The following ROBO2 variants were observed in gnomAD, a reference collection of about 807,000 sequenced individuals.
ROBO2 encodes the protein roundabout guidance receptor 2.
In ROBO2, 53 loss-of-function variants were observed where a neutral mutation model predicts 160.8. The observed-to-expected ratio is 0.33, with a 90% confidence interval of 0.26 to 0.41. The LOEUF (loss-of-function observed/expected upper bound fraction) is 0.41. Ranked by LOEUF, ROBO2 falls within the 10% of genes least tolerant of loss-of-function variation. ROBO2 has a pLI of 1.00. For synonymous variants in ROBO2, 664 were observed against 611.7 expected (o/e 1.09, Z -1.26); for missense variants, 1,577 against 1,722.4 (o/e 0.92, Z 1.49).
intron 2 of ROBO2, among the ~76,000 whole-genome samples, chr3:76,127,277 A>G (rs2071025433): frequency 6.6e-6 from 1 of 152,106 alleles, no homozygotes; most frequent in Non-Finnish European, 1.5e-5. Flanking sequence ...TTTGCACTCT[A>G]ACTTTTCACA....
intron 2 of ROBO2, among the ~76,000 whole-genome samples, chr3:76,307,525 G>A (rs1251392573): frequency 6.6e-6 from 1 of 151,792 alleles, no homozygotes; most frequent in African/African-American, 2.4e-5. Flanking sequence ...GCCTCTCTCG[G>A]TGGACCTTCC....
At chr3:77,263,510 G>A (rs540775750) in intron 2 of ROBO2, among the ~76,000 whole-genome samples, 1 of 152,238 alleles carries the variant, frequency 6.6e-6, no homozygotes, top group East Asian at 1.9e-4. Flanking sequence ...GTGGTATTTG[G>A]TTTTCTGTTC....
At chr3:76,643,571 A>C (rs1412204499) in intron 2 of ROBO2, among the ~76,000 whole-genome samples, 2 of 152,220 alleles carry the variant, frequency 1.3e-5, no homozygotes, top group South Asian at 2.1e-4. Flanking sequence ...CTTAATGTAC[A>C]TTGAAGTCTA....
chr3:76,369,138 A>T (rs2075978357), intron 2 of ROBO2, among the ~76,000 whole-genome samples: 2 of 151,866 alleles, frequency 1.3e-5, no homozygotes, highest in Admixed American at 1.3e-4. Context: ...CTTCTTTCCC[A>T]GGTGTTTTTG....
At chr3:76,334,667 G>A (rs760049588) in intron 2 of ROBO2, among the ~76,000 whole-genome samples, 2 of 152,154 alleles carry the variant, frequency 1.3e-5, no homozygotes, top group East Asian at 1.9e-4. Flanking sequence ...ATTTTACCCA[G>A]TAAAGGAGAA....
At chr3:76,900,284 C>A (rs942757403) in intron 2 of ROBO2, among the ~76,000 whole-genome samples, 1 of 152,068 alleles carries the variant, frequency 6.6e-6, no homozygotes, top group Non-Finnish European at 1.5e-5. Flanking sequence ...GACGTAAAGC[C>A]CAACCATATT....
At chr3:77,638,816 A>C (rs1583451129) in intron 24 of ROBO2, among the ~76,000 whole-genome samples, 1 of 107,462 alleles carries the variant, frequency 9.3e-6, no homozygotes. Flanking sequence ...CCTTTCACCT[A>C]GCTTTTTTTT....
In ROBO2 at chr3:76,572,477, G is replaced by T. The variant is rs116429059; in HGVS notation, c.110-525537G>T. The stretch of plus-strand genomic sequence containing the variant: ...CCTGGTGCTAACTGGAGGAAGCTAA[G>T]AATTGTATTCTCCATCATCGACATT... On this transcript the variant is annotated intron_variant, in intron 2 of 26. Coordinates refer to the ROBO2 transcript ENST00000487694. Among the ~76,000 whole-genome samples the T allele has an allele frequency of 3.0e-3, 464 of 152,260 alleles. 2 individuals are homozygous for T. The highest frequency in any genetic ancestry group is 0.011 in the African/African-American group (456 of 41,558).
At position 76,731,283 on chromosome 3, in the gene ROBO2, C is replaced by T. The variant is rs779874925; in HGVS notation, c.110-366731C>T. On this transcript the variant is annotated intron_variant, in intron 2 of 26. Transcript: ENST00000487694. ...TGAATACTACACATTTTGGGTTCAGCGTTTAGTTTAATGAAAGCTTTCCTG... is the reference window on the plus strand; with the variant it reads ...TGAATACTACACATTTTGGGTTCAGTGTTTAGTTTAATGAAAGCTTTCCTG... Among the ~76,000 whole-genome samples, 11 of 152,212 alleles carry T rather than the reference C, an allele frequency of 7.2e-5. No individual in the cohort carries two copies. The South Asian group carries it at 1.5e-3, about 20-fold the overall frequency.
intron 2 of ROBO2, among the ~76,000 whole-genome samples, chr3:76,067,192 T>C (rs2068282720): frequency 6.6e-6 from 1 of 152,208 alleles, no homozygotes. Flanking sequence ...GCCAGTTATC[T>C]GATTTTTCTA....
intron 2 of ROBO2, among the ~76,000 whole-genome samples, chr3:76,791,947 A>G (rs2063380918): frequency 6.6e-6 from 1 of 151,936 alleles, no homozygotes; most frequent in Non-Finnish European, 1.5e-5. Context: ...AATTTAAAGT[A>G]CATAGGAAGA....
intron 2 of ROBO2, among the ~76,000 whole-genome samples, chr3:76,086,121 A>G (rs748686728): frequency 3.3e-5 from 5 of 152,144 alleles, no homozygotes; most frequent in Non-Finnish European, 7.4e-5. Flanking sequence ...ATTTCTAAAG[A>G]AAAGGGGTTT....
chr3:77,188,983 G>A (rs373681752), intron 2 of ROBO2, among the ~76,000 whole-genome samples: 7 of 148,358 alleles, frequency 4.7e-5, no homozygotes, highest in Admixed American at 2.7e-4. Context: ...GAGAGAGAGA[G>A]AGAGAGAGAG....
intron 2 of ROBO2, among the ~76,000 whole-genome samples, chr3:76,303,016 T>C (rs545951491): frequency 6.6e-6 from 1 of 152,266 alleles, no homozygotes; most frequent in South Asian, 2.1e-4. Flanking sequence ...AGATAAGAAA[T>C]ATTTTATGTA....
At position 76,929,150 on chromosome 3, in the gene ROBO2, C is replaced by T. The variant is rs1356141741; in HGVS notation, c.110-168864C>T. ...TGGCGTTTGCTTGTAGTCTCAGCTA[C>T]TCTGGAGGCTGAGACAGGAGAATCG... On this transcript the variant is annotated intron_variant, in intron 2 of 26. Transcript: ENST00000487694. Among the ~76,000 whole-genome samples, 3 of 152,174 alleles carry T rather than the reference C, an allele frequency of 2.0e-5. No homozygotes were observed. The East Asian group carries it at 5.8e-4, about 29-fold the overall frequency.
At chr3:76,324,746 A>G (rs911460785) in intron 2 of ROBO2, among the ~76,000 whole-genome samples, 9 of 151,988 alleles carry the variant, frequency 5.9e-5, no homozygotes, top group Non-Finnish European at 2.9e-5. Flanking sequence ...ACTTCTCTGG[A>G]AAAAAAAGCA....
chr3:76,110,519 G>C (rs2070179539), intron 2 of ROBO2, among the ~76,000 whole-genome samples: 1 of 152,024 alleles, frequency 6.6e-6, no homozygotes, highest in Non-Finnish European at 1.5e-5. Context: ...GGATTTGAAA[G>C]GTTAAATATA....
chr3:77,165,972 ATCTC>A (rs1200513410), intron 2 of ROBO2, among the ~76,000 whole-genome samples: 1 of 152,202 alleles, frequency 6.6e-6, no homozygotes, highest in Non-Finnish European at 1.5e-5. Context: ...GCTGAAGTCT[ATCTC>A]TCTCTGTATG....
chr3:75,956,833 C>T (rs938710904), intron 2 of ROBO2, among the ~76,000 whole-genome samples: 5 of 151,728 alleles, frequency 3.3e-5, no homozygotes, highest in African/African-American at 1.2e-4. Flanking sequence ...TTGCCATTCG[C>T]ATTGGCCCAC....
Sources: gnomAD v4.1 joint callset for allele counts (sites outside exome capture counted in the v4.1 genomes callset) on GRCh38, gnomAD v4.1.1 for gene constraint, MANE v1.5 for transcripts, NCBI Gene and HGNC (gene_info 2026-07-23, HGNC 2026-07-21) for gene names.